The following ADGRF4 variants were observed in gnomAD, a reference collection of about 807,000 sequenced individuals.
The protein encoded by ADGRF4 is adhesion G protein-coupled receptor F4.
In ADGRF4, 63 loss-of-function variants were observed where a neutral mutation model predicts 58.5. The observed-to-expected ratio is 1.08, with a 90% confidence interval of 0.88 to 1.33. The LOEUF is 1.33. ADGRF4 is among the 40% of genes most tolerant of loss of function. ADGRF4 has a pLI of 0.00. For missense variants in ADGRF4, 931 were observed against 843.9 expected (o/e 1.10, Z -1.28); for synonymous variants, 313 against 295.4 (o/e 1.06, Z -0.61).
chr6:47,719,215 T>G (rs1049839601), intron 9 of ADGRF4, among the ~76,000 whole-genome samples: 1 of 152,154 alleles, frequency 6.6e-6, no homozygotes, highest in Non-Finnish European at 1.5e-5. Flanking sequence ...AAAGACACTC[T>G]GAGTTGGAAA....
chr6:47,715,006 C>T lies in ADGRF4; in HGVS notation c.1761C>T (p.Pro587=), dbSNP rs767315304. 1.2e-6 allele frequency: 2 copies of T among 1,613,308 alleles called. No individual in the cohort carries two copies. Among genetic ancestry groups the T allele is most frequent in the Non-Finnish European group, 8.5e-7 (1 of 1,179,400 alleles). Residue 587 remains proline (P), a synonymous_variant, in exon 6 of 10, where the codon CCC becomes CCT. Transcript: ENST00000283303. Reference sequence around the variant, plus strand: ...TTGTTGCTGTCAACACTCAGAGGCCCTCTATTGGCAGTTCCAAGTCTCAGG... The same window carrying T: ...TTGTTGCTGTCAACACTCAGAGGCCTTCTATTGGCAGTTCCAAGTCTCAGG... ...VLVVAVNTQR[P]SIGSSKSQDV... is the part of the protein sequence containing the mutation.
rs1163845538 is a variant in ADGRF4 at position 47,715,067 on chromosome 6, G to A, written c.1822G>A (p.Ala608Thr). Residue 608 changes from alanine (A) to threonine (T), a missense_variant, in exon 6 of 10, where the codon GCC becomes ACC. Coordinates refer to ENST00000283303, the MANE Select transcript of ADGRF4 (RefSeq NM_153838.5). ...AATTATGAGGATCAGCAAAAATGTT[G>A]CCATCCTCACTCCACTGCTGGGACT... ...VIIMRISKNV[A>T]ILTPLLGLTW... 6.2e-7 allele frequency: 1 copy of A among 1,613,134 alleles called. No individual in the cohort carries two copies. The highest frequency in any genetic ancestry group is 1.7e-5 in the Admixed American group (1 of 60,012).
intron 6 of ADGRF4, chr6:47,715,421 G>A (rs1407843853): frequency 5.1e-6 from 2 of 394,014 alleles, no homozygotes; most frequent in Non-Finnish European, 9.1e-6. Flanking sequence ...AAGTTTCAAT[G>A]TTAGAAGAAG....
intron 6 of ADGRF4, 129 bp downstream of exon 6, chr6:47,715,306 G>A (rs563680881): frequency 1.8e-5 from 13 of 728,670 alleles, no homozygotes; most frequent in Non-Finnish European, 2.9e-5. Flanking sequence ...ATTTGGCTAT[G>A]GCATCTGTGA....
chr6:47,715,473 T>C (rs756791234), intron 6 of ADGRF4: 7 of 263,290 alleles, frequency 2.7e-5, no homozygotes, highest in Non-Finnish European at 5.1e-5. Flanking sequence ...GTCAGGGATA[T>C]GTGAGGCTAC....
At chr6:47,715,247 A>G in intron 6 of ADGRF4, 70 bp downstream of exon 6, 1 of 1,100,778 alleles carries the variant, frequency 9.1e-7, no homozygotes, top group Non-Finnish European at 1.3e-6. Context: ...ATGATTTGAA[A>G]TTATATAACA....
rs76058232 is a variant in ADGRF4, at chr6:47,702,407, G to A, written c.-17+3613G>A. ...AAATACAGTAGACACAAAAGCCTCC[G>A]TTGTTTGCCTACTAAAAGTAGAGCA... On this transcript the variant is annotated intron_variant, in intron 1 of 9. Coordinates refer to ENST00000283303, the MANE Select transcript of ADGRF4 (RefSeq NM_153838.5). Among the ~76,000 whole-genome samples the A allele has an allele frequency of 4.3e-3, 658 of 152,270 alleles. 3 individuals are homozygous for A. The highest frequency in any genetic ancestry group is 0.014 in the African/African-American group (573 of 41,538).
intron 9 of ADGRF4, among the ~76,000 whole-genome samples, chr6:47,720,856 G>C (rs116540935): frequency 2.0e-4 from 31 of 152,238 alleles, no homozygotes; most frequent in African/African-American, 7.0e-4. Flanking sequence ...GCATATACCC[G>C]GAGGGAAGCA....
At chr6:47,720,733 G>A (rs1300643126) in intron 9 of ADGRF4, among the ~76,000 whole-genome samples, 1 of 152,172 alleles carries the variant, frequency 6.6e-6, no homozygotes, top group Non-Finnish European at 1.5e-5. Context: ...CACCAGGAAG[G>A]CTCTGGGTTC....
Position 47,714,788 on chromosome 6 carries a change from ATGGTCAT to A in ADGRF4, c.1547_1553del (p.Val516AlafsTer10). 3 of 1,613,988 alleles carry A rather than the reference ATGGTCAT, an allele frequency of 1.9e-6. No homozygotes were observed. Among genetic ancestry groups the A allele is most frequent in the Non-Finnish European group, 2.5e-6 (3 of 1,179,862 alleles). Reference sequence around the variant, plus strand: ...CCGTAGGATGATGAAGTCCCGAATGATGGTCATTGGCTTTGCCATTGGCTATGGGTGC... The same window carrying A: ...CCGTAGGATGATGAAGTCCCGAATGATGGCTTTGCCATTGGCTATGGGTGC... On this transcript the variant is annotated frameshift_variant, in exon 6 of 10. Coordinates refer to ENST00000283303, the MANE Select transcript of ADGRF4 (RefSeq NM_153838.5). LOFTEE classifies it high-confidence loss of function.
intron 8 of ADGRF4, among the ~76,000 whole-genome samples, chr6:47,717,853 A>G (rs1772062061): frequency 6.6e-6 from 1 of 152,184 alleles, no homozygotes; most frequent in Non-Finnish European, 1.5e-5. Flanking sequence ...ACTCTCTTGG[A>G]TTGGAGTATC....
intron 8 of ADGRF4, 152 bp downstream of exon 8, chr6:47,717,503 G>T: frequency 1.5e-6 from 1 of 675,700 alleles, no homozygotes; most frequent in South Asian, 1.6e-5. Context: ...CGGTAAATTT[G>T]GAGTGTTCTG....
chr6:47,719,387 A>G (rs536147324), intron 9 of ADGRF4, among the ~76,000 whole-genome samples: 2 of 152,256 alleles, frequency 1.3e-5, no homozygotes, highest in East Asian at 3.9e-4. Context: ...AGAGGAAAAC[A>G]CAGGCCTGTT....
chr6:47,709,351 G>A (rs1348542449), intron 3 of ADGRF4, among the ~76,000 whole-genome samples: 2 of 152,152 alleles, frequency 1.3e-5, no homozygotes, highest in African/African-American at 4.8e-5. Context: ...AGTTTTTTCG[G>A]AACATAGCCA....
intron 5 of ADGRF4, 152 bp from the exon 6 acceptor site, chr6:47,713,646 A>T: frequency 1.8e-6 from 1 of 543,714 alleles, no homozygotes; most frequent in Non-Finnish European, 3.1e-6. Flanking sequence ...GTGTGGCCTT[A>T]CTAATGTGGA....
Position 47,708,289 on chromosome 6 carries a change from A to T in ADGRF4, c.148+11A>T. 1.3e-6 allele frequency: 2 copies of T among 1,598,442 alleles called. No homozygotes were observed. Among genetic ancestry groups the T allele is most frequent in the Non-Finnish European group, 1.7e-6 (2 of 1,165,862 alleles). ...CTGGAAGGATCCAAGGTATGTGGCT[A>T]TAGAACAGTCTTCATCCATTTGAAG... On this transcript the variant is annotated intron_variant, in intron 3 of 9. Coordinates refer to ENST00000283303, the MANE Select transcript of ADGRF4 (RefSeq NM_153838.5).
At chr6:47,700,309 G>A (rs867062038) in intron 1 of ADGRF4, among the ~76,000 whole-genome samples, 16 of 152,166 alleles carry the variant, frequency 1.1e-4, no homozygotes, top group African/African-American at 3.4e-4. Context: ...CGCACTCAGC[G>A]TGTTCAGACG....
rs114666825 is a variant in ADGRF4 at position 47,711,796 on chromosome 6, G to C, written c.301-561G>C. Among the ~76,000 whole-genome samples, 660 of 152,266 alleles carry C rather than the reference G, an allele frequency of 4.3e-3. 3 individuals carry two copies. The highest frequency in any genetic ancestry group is 0.014 in the African/African-American group (575 of 41,544). On this transcript the variant is annotated intron_variant, in intron 4 of 9. Coordinates refer to ENST00000283303, the MANE Select transcript of ADGRF4 (RefSeq NM_153838.5). ...TGGTTTTACAAGGGGATTGCAGCTG[G>C]CTTCTCTGTCACTTAGCCTAGGTAA... is the stretch of plus-strand genomic sequence containing the variant.
At chr6:47,719,119 A>G (rs1270671371) in intron 9 of ADGRF4, among the ~76,000 whole-genome samples, 1 of 152,220 alleles carries the variant, frequency 6.6e-6, no homozygotes, top group Non-Finnish European at 1.5e-5. Context: ...CAGCAGCCAC[A>G]TCCTTTTTAT....
Sources: gnomAD v4.1 joint callset for allele counts (sites outside exome capture counted in the v4.1 genomes callset) on GRCh38, gnomAD v4.1.1 for gene constraint, MANE v1.5 for transcripts, NCBI Gene and HGNC (gene_info 2026-07-23, HGNC 2026-07-21) for gene names.